The following CCSER1 variants were observed in gnomAD, a reference collection of about 807,000 sequenced individuals.
The protein encoded by CCSER1 is serine-rich coiled-coil domain-containing protein 1.
In CCSER1, 41 loss-of-function variants were observed where a neutral mutation model predicts 82.0. The observed-to-expected ratio is 0.50, with a 90% CI of 0.39 to 0.65. The LOEUF is 0.65. Among genes scored for constraint, CCSER1 ranks in the 30% least tolerant of loss-of-function variants. The pLI is 0.00. For synonymous variants in CCSER1, 414 were observed against 383.9 expected, an observed-to-expected ratio of 1.08 and a Z score of -0.92; for missense variants, 1,119 against 1,064.2, an observed-to-expected ratio of 1.05 and a Z score of -0.72.
At chr4:90,606,568 T>C (rs998864920) in intron 5 of CCSER1, among the ~76,000 whole-genome samples, 5 of 152,200 alleles carry the variant, frequency 3.3e-5, no homozygotes, top group African/African-American at 4.8e-5. Context: ...TATGTCACTT[T>C]TTCATTGTTA....
chr4:90,734,554 T>C, intron 7 of CCSER1, among the ~76,000 whole-genome samples: 1 of 152,214 alleles, frequency 6.6e-6, no homozygotes, highest in Non-Finnish European at 1.5e-5. Flanking sequence ...CCTAGGTATT[T>C]ATTTTTGTTT....
chr4:90,363,232 C>T (rs971083796), intron 3 of CCSER1, among the ~76,000 whole-genome samples: 3 of 152,106 alleles, frequency 2.0e-5, no homozygotes, highest in African/African-American at 7.2e-5. Context: ...TTGTCAATTG[C>T]TTATCAAGCA....
At chr4:90,182,029 G>C (rs929715627) in intron 1 of CCSER1, among the ~76,000 whole-genome samples, 14 of 152,148 alleles carry the variant, frequency 9.2e-5, no homozygotes, top group Non-Finnish European at 1.6e-4. Context: ...TGTGGGCACA[G>C]TTAATTTGTG....
Position 91,195,509 on chromosome 4 carries a change from T to A in CCSER1, c.2217+109515T>A, listed in dbSNP as rs72669274. 1.6e-3 allele frequency among the ~76,000 whole-genome samples: 238 copies of A among 152,286 alleles called. 1 individual carries two copies. Among genetic ancestry groups the A allele is most frequent in the Non-Finnish European group, 2.7e-3 (184 of 68,012 alleles). On this transcript the variant is annotated intron_variant, in intron 10 of 10. Coordinates refer to ENST00000509176, the MANE Select transcript of CCSER1 (RefSeq NM_001145065.2). ...TACAGAACCTTCCTCAGGGTCTACT[T>A]GAATCATACCAATATAATTCGCAAT...
intron 10 of CCSER1, among the ~76,000 whole-genome samples, chr4:91,435,868 A>T (rs77010111): frequency 0.1 from 15,854 of 152,220 alleles, 966 homozygotes; most frequent in Middle Eastern, 0.19. Flanking sequence ...CATTTGAATC[A>T]AACCACTATG....
At chr4:91,026,611 T>C (rs182536089) in intron 9 of CCSER1, among the ~76,000 whole-genome samples, 171 of 152,226 alleles carry the variant, frequency 1.1e-3, no homozygotes, top group Middle Eastern at 3.4e-3. Context: ...GACTTTTTTC[T>C]TGGAGGTAAG....
At chr4:91,150,045 A>T (rs1560469132) in intron 10 of CCSER1, among the ~76,000 whole-genome samples, 1 of 152,150 alleles carries the variant, frequency 6.6e-6, no homozygotes, top group Non-Finnish European at 1.5e-5. Context: ...TGGGGATGGC[A>T]TTGAATCTAT....
At chr4:90,477,506 G>A (rs1419007781) in intron 5 of CCSER1, among the ~76,000 whole-genome samples, 1 of 152,128 alleles carries the variant, frequency 6.6e-6, no homozygotes, top group Non-Finnish European at 1.5e-5. Context: ...TGAGGAAGTT[G>A]GGCATAAGAA....
intron 9 of CCSER1, among the ~76,000 whole-genome samples, chr4:90,999,926 A>G (rs1329018517): frequency 7.6e-6 from 1 of 132,016 alleles, no homozygotes; most frequent in East Asian, 2.1e-4. Context: ...GAGGTCTTAT[A>G]TTTAAATCTT....
chr4:90,904,196 T>G (rs567487132), intron 8 of CCSER1, among the ~76,000 whole-genome samples: 1 of 152,212 alleles, frequency 6.6e-6, no homozygotes, highest in Non-Finnish European at 1.5e-5. Context: ...AAACGGAAAT[T>G]TATCAAAAGA....
At chr4:90,585,374 C>T (rs940776303) in intron 5 of CCSER1, among the ~76,000 whole-genome samples, 1 of 152,076 alleles carries the variant, frequency 6.6e-6, no homozygotes, top group Admixed American at 6.6e-5. Flanking sequence ...TGATTCATTC[C>T]ACATGATAGT....
rs541666938 is a variant in CCSER1, at chr4:91,182,897, A to G, written c.2217+96903A>G. ...TCCTGTAAAAGATGAGGCATGTACC[A>G]TTTGGTAAGTTGGGCATCCCTGTAT... On this transcript the variant is annotated intron_variant, in intron 10 of 10. Transcript: ENST00000509176. 6.6e-5 allele frequency among the ~76,000 whole-genome samples: 10 copies of G among 152,342 alleles called. No homozygotes were observed. In the East Asian group the frequency reaches 1.7e-3, roughly 26 times the overall value.
intron 10 of CCSER1, among the ~76,000 whole-genome samples, chr4:91,246,819 T>TACACACATACACACACAC (rs1739816988): frequency 4.3e-5 from 5 of 115,216 alleles, no homozygotes; most frequent in Non-Finnish European, 9.1e-5. Flanking sequence ...CATACACACA[T>TACACACATACACACACAC]ACACACATAC....
At chr4:90,223,853 C>G (rs1056605637) in intron 1 of CCSER1, among the ~76,000 whole-genome samples, 3 of 152,134 alleles carry the variant, frequency 2.0e-5, no homozygotes, top group African/African-American at 7.2e-5. Flanking sequence ...GTTTATTTGT[C>G]CTATGGGAGA....
chr4:91,391,658 A>C (rs1363279942), intron 10 of CCSER1, among the ~76,000 whole-genome samples: 1 of 152,182 alleles, frequency 6.6e-6, no homozygotes, highest in Non-Finnish European at 1.5e-5. Context: ...GGGATTTGCC[A>C]GCAGTCTGTT....
At chr4:90,257,883 C>G (rs551281691) in intron 1 of CCSER1, among the ~76,000 whole-genome samples, 9 of 152,154 alleles carry the variant, frequency 5.9e-5, no homozygotes, top group Non-Finnish European at 1.3e-4. Context: ...AAGCCCCACT[C>G]ATATTGGAGA....
chr4:91,067,349 C>CT (rs1293928080), intron 9 of CCSER1, among the ~76,000 whole-genome samples: 157 of 135,490 alleles, frequency 1.2e-3, no homozygotes, highest in Middle Eastern at 3.8e-3. Context: ...TTTTTTTTTT[C>CT]TTTTTTTTTT....
chr4:90,571,334 G>A (rs1780094655), intron 5 of CCSER1, among the ~76,000 whole-genome samples: 2 of 152,190 alleles, frequency 1.3e-5, no homozygotes, highest in African/African-American at 4.8e-5. Flanking sequence ...CAACCTAGAT[G>A]CCCATCAGTG....
At chr4:90,549,733 G>C (rs531304024) in intron 5 of CCSER1, among the ~76,000 whole-genome samples, 6 of 147,506 alleles carry the variant, frequency 4.1e-5, no homozygotes, top group African/African-American at 1.5e-4. Flanking sequence ...TGCCAGTAAG[G>C]GTTGGGGTAC....
Sources: gnomAD v4.1 joint callset for allele counts (sites outside exome capture counted in the v4.1 genomes callset) on GRCh38, gnomAD v4.1.1 for gene constraint, MANE v1.5 for transcripts, NCBI Gene and HGNC (gene_info 2026-07-23, HGNC 2026-07-21) for gene names.